RALGAPA1: variants seen among roughly 807,000 people sequenced by gnomAD.
RALGAPA1 encodes the protein ral GTPase-activating protein subunit alpha-1.
A neutral mutation model predicts 269.6 loss-of-function variants in RALGAPA1; 52 were observed. That is an observed-to-expected ratio of 0.19 (90% CI 0.15 to 0.24). RALGAPA1 has a LOEUF of 0.24. Among genes scored for constraint, RALGAPA1 ranks in the 10% least tolerant of loss-of-function variants. The pLI, the probability that RALGAPA1 is intolerant of heterozygous loss-of-function variation, is 1.00. For missense variants in RALGAPA1, 1,917 were observed against 3,013.9 expected (o/e 0.64, Z 8.52); for synonymous variants, 817 against 1,008.3 (o/e 0.81, Z 3.60).
At chr14:35,544,992 A>G (rs2054322370) in intron 41 of RALGAPA1, among the ~76,000 whole-genome samples, 1 of 152,206 alleles carries the variant, frequency 6.6e-6, no homozygotes, top group Non-Finnish European at 1.5e-5. Flanking sequence ...GGTTGCAGTG[A>G]GCCAAGATTG....
At chr14:35,670,686 A>C (rs1369620190) in intron 26 of RALGAPA1, among the ~76,000 whole-genome samples, 1 of 152,196 alleles carries the variant, frequency 6.6e-6, no homozygotes, top group Non-Finnish European at 1.5e-5. Context: ...GCACTTTGGG[A>C]GGCTGAGGCG....
chr14:35,659,044 A>T lies in RALGAPA1; in HGVS notation c.5387+94T>A, dbSNP rs113910988. On this transcript the variant is annotated intron_variant, in intron 28 of 41. Coordinates refer to ENST00000680220, the MANE Select transcript of RALGAPA1 (RefSeq NM_001346249.2). ...TTGTAATTCAGAATGGCTTTTATGT[A>T]TCTAAAACAATCTGGGCTGCTATAA... The T allele has an allele frequency of 4.0e-4, 310 of 770,152 alleles. 6 individuals are homozygous for T. The highest frequency in any genetic ancestry group is 4.0e-3 in the African/African-American group (226 of 56,156). The allele number at this position is 770,152 out of a possible 1,614,324, so 47.7% of individuals were successfully genotyped here. A position where few individuals can be genotyped will look rare whatever the true frequency, so the allele number is the denominator to read the frequency against.
chr14:35,571,857 A>G (rs2057230303), intron 38 of RALGAPA1, among the ~76,000 whole-genome samples: 1 of 152,206 alleles, frequency 6.6e-6, no homozygotes, highest in Admixed American at 6.5e-5. Flanking sequence ...ACCCTGAAGA[A>G]ACCTAAATTC....
At chr14:35,808,664 A>G (rs2077547580) in intron 1 of RALGAPA1, 66 bp downstream of exon 1, 2 of 1,527,526 alleles carry the variant, frequency 1.3e-6, no homozygotes, top group African/African-American at 2.7e-5. Context: ...GAGAGTCCGC[A>G]GGGGCTCCCA....
intron 39 of RALGAPA1, chr14:35,564,611 T>A (rs2056547593): frequency 6.6e-6 from 1 of 152,122 alleles, no homozygotes; most frequent in Non-Finnish European, 1.5e-5. Context: ...AAAAGTCAAA[T>A]CTAAACAGAT....
intron 17 of RALGAPA1, among the ~76,000 whole-genome samples, chr14:35,692,029 C>G (rs749652369): frequency 5.3e-5 from 8 of 152,082 alleles, no homozygotes; most frequent in Non-Finnish European, 8.8e-5. Context: ...AGATAACTAA[C>G]TCATATCTGT....
At chr14:35,741,548 T>C (rs537103788) in intron 11 of RALGAPA1, among the ~76,000 whole-genome samples, 1 of 152,294 alleles carries the variant, frequency 6.6e-6, no homozygotes, top group South Asian at 2.1e-4. Context: ...GTATCCTGAC[T>C]AAATTCCACT....
chr14:35,737,379 T>A (rs376031763), intron 12 of RALGAPA1, among the ~76,000 whole-genome samples: 17 of 152,268 alleles, frequency 1.1e-4, no homozygotes, highest in Admixed American at 3.3e-4. Context: ...AAGTTATTAA[T>A]GTACAAATCC....
chr14:35,748,551 C>T (rs202102618), intron 10 of RALGAPA1, 34 bp downstream of exon 10: 2 of 1,568,050 alleles, frequency 1.3e-6, no homozygotes, highest in Non-Finnish European at 1.7e-6. Context: ...TAAAAGCCTT[C>T]CTTATAAATT....
chr14:35,798,333 A>G (rs2076726212), intron 1 of RALGAPA1, among the ~76,000 whole-genome samples: 1 of 150,600 alleles, frequency 6.6e-6, no homozygotes, highest in East Asian at 2.0e-4. Context: ...ATGCCACAAC[A>G]CCTGGCTAAT....
chr14:35,675,733 G>GTA (rs2064881919), intron 22 of RALGAPA1, among the ~76,000 whole-genome samples: 1 of 152,048 alleles, frequency 6.6e-6, no homozygotes. Flanking sequence ...TCTACTCAAT[G>GTA]TATATAATGG....
chr14:35,751,244 G>A (rs1036043563), intron 8 of RALGAPA1, among the ~76,000 whole-genome samples: 6 of 152,150 alleles, frequency 3.9e-5, no homozygotes, highest in African/African-American at 1.4e-4. Flanking sequence ...TGCAAAAACT[G>A]CCATTACTTT....
Position 35,549,147 on chromosome 14 carries a change from A to G in RALGAPA1, c.7584T>C (p.Phe2528=). Residue 2528 remains phenylalanine (F), a synonymous_variant, in exon 40 of 42, where the codon TTT becomes TTC. Coordinates refer to ENST00000680220, the MANE Select transcript of RALGAPA1 (RefSeq NM_001346249.2). Reference sequence around the variant, plus strand: ...GTAAATGGTGGTAGGGAGCTGGAGAAAAAACCTGTGCTGCAAAATCTTCAA... The same window carrying G: ...GTAAATGGTGGTAGGGAGCTGGAGAGAAAACCTGTGCTGCAAAATCTTCAA... ...TTFEDFAAQV[F]SPAPYHHLPS... The G allele has an allele frequency of 6.2e-7, 1 of 1,612,086 alleles. No individual in the cohort carries two copies. Among genetic ancestry groups the G allele is most frequent in the Non-Finnish European group, 8.5e-7 (1 of 1,179,402 alleles).
At chr14:35,561,049 G>A (rs1225166276) in intron 39 of RALGAPA1, among the ~76,000 whole-genome samples, 1 of 151,828 alleles carries the variant, frequency 6.6e-6, no homozygotes, top group African/African-American at 2.4e-5. Context: ...CCAACATGGT[G>A]AAACCCTGTC....
chr14:35,671,436 C>A lies in RALGAPA1; in HGVS notation c.5155G>T (p.Asp1719Tyr), dbSNP rs767321435. 1 of 1,611,314 alleles carries A rather than the reference C, an allele frequency of 6.2e-7. No homozygotes were observed. Among genetic ancestry groups the A allele is most frequent in the East Asian group, 2.2e-5 (1 of 44,758 alleles). Residue 1719 changes from aspartate (D) to tyrosine (Y), a missense_variant, in exon 26 of 42, where the codon GAT becomes TAT. Around this residue, in one of 11 missense-constraint regions of RALGAPA1, gnomAD observed 346 missense variants for 566.1 expected, o/e 0.61. Transcript: ENST00000680220. ...GLPGATMLIMDFIVAAGRVAS... is the reference protein window; with the variant it reads ...GLPGATMLIMYFIVAAGRVAS... ...ACTCTACCAGCTGCTACAATAAAATCCATAATAAGCATTGTGGCACCAGGC... is the reference window on the plus strand; with the variant it reads ...ACTCTACCAGCTGCTACAATAAAATACATAATAAGCATTGTGGCACCAGGC...
At chr14:35,720,053 A>G (rs1243543194) in intron 16 of RALGAPA1, among the ~76,000 whole-genome samples, 1 of 152,194 alleles carries the variant, frequency 6.6e-6, no homozygotes, top group African/African-American at 2.4e-5. Flanking sequence ...CGCCCGGCCA[A>G]CAATTCTTAA....
At chr14:35,718,447 G>A (rs899915433) in intron 16 of RALGAPA1, among the ~76,000 whole-genome samples, 4 of 152,242 alleles carry the variant, frequency 2.6e-5, no homozygotes, top group Non-Finnish European at 5.9e-5. Flanking sequence ...GGGAAGGTGG[G>A]GAATAGTGAT....
At chr14:35,643,790 A>T (rs541698912) in intron 31 of RALGAPA1, among the ~76,000 whole-genome samples, 1 of 152,332 alleles carries the variant, frequency 6.6e-6, no homozygotes, top group Admixed American at 6.5e-5. Flanking sequence ...GCACAGAAAG[A>T]CAAACATTGC....
chr14:35,642,820 A>G (rs1231393511), intron 31 of RALGAPA1, among the ~76,000 whole-genome samples: 1 of 152,194 alleles, frequency 6.6e-6, no homozygotes, highest in African/African-American at 2.4e-5. Context: ...TGACCCAGCC[A>G]TCTAATTACT....
Sources: gnomAD v4.1 joint callset for allele counts (sites outside exome capture counted in the v4.1 genomes callset) on GRCh38, gnomAD v4.1.1 for gene constraint, gnomAD v4.1.1 regional missense constraint, MANE v1.5 for transcripts, NCBI Gene and HGNC (gene_info 2026-07-23, HGNC 2026-07-21) for gene names.